The following ARHGAP6 variants were observed in gnomAD, a reference collection of about 807,000 sequenced individuals.
ARHGAP6 encodes rho GTPase-activating protein 6.
Under a neutral mutation model 55.7 loss-of-function variants are expected in ARHGAP6, and 16 were observed. The observed-to-expected ratio is 0.29, with a 90% CI of 0.19 to 0.44. The LOEUF (loss-of-function observed/expected upper bound fraction) is 0.44, where lower values mean the gene tolerates loss of function less well. Ranked by LOEUF, ARHGAP6 falls within the 20% of genes least tolerant of loss-of-function variation. The probability of loss-of-function intolerance (pLI) is 1.00; values close to 1 mark genes in which losing one functional copy is unlikely to be tolerated. For synonymous variants in ARHGAP6, 382 were observed against 360.9 expected (o/e 1.06, Z -0.66); for missense variants, 698 against 808.9 (o/e 0.86, Z 1.66).
At chrX:11,344,243 T>A (rs2048742613) in intron 1 of ARHGAP6, among the ~76,000 whole-genome samples, 1 of 111,651 alleles carries the variant, frequency 9.0e-6, no homozygotes, top group South Asian at 3.8e-4. Context: ...TGCCAGGGGA[T>A]GCCCCTTCTC....
intron 1 of ARHGAP6, among the ~76,000 whole-genome samples, chrX:11,658,760 A>G (rs2147206105): frequency 9.4e-6 from 1 of 106,588 alleles, no homozygotes; most frequent in South Asian, 4.4e-4. Context: ...ATGAGAGAAA[A>G]TGGTACTGAA....
At chrX:11,380,705 G>C (rs939500997) in intron 1 of ARHGAP6, among the ~76,000 whole-genome samples, 6 of 111,820 alleles carry the variant, frequency 5.4e-5, no homozygotes, top group African/African-American at 1.9e-4. Context: ...GAGTAGCACT[G>C]GTTAGGAGTA....
intron 1 of ARHGAP6, among the ~76,000 whole-genome samples, chrX:11,330,181 G>A (rs1379128600): frequency 1.8e-5 from 2 of 113,036 alleles, no homozygotes; most frequent in African/African-American, 6.4e-5. Flanking sequence ...GGGTTAAAGG[G>A]TGCAAAGCCT....
chrX:11,600,400 G>A (rs748467142), intron 1 of ARHGAP6, among the ~76,000 whole-genome samples: 4 of 112,079 alleles, frequency 3.6e-5, no homozygotes, highest in East Asian at 2.8e-4. Flanking sequence ...AAATCTCAGC[G>A]TTGCAGCAGA....
intron 1 of ARHGAP6, among the ~76,000 whole-genome samples, chrX:11,397,028 T>TCATATATATA (rs1436308542): frequency 8.1e-5 from 9 of 111,567 alleles, no homozygotes; most frequent in Middle Eastern, 4.6e-3. Context: ...TTTCCCATTC[T>TCATATATATA]TGGGAGTAGA....
At position 11,179,286 on chromosome X, in the gene ARHGAP6, T is replaced by C. The variant is rs1216670039; in HGVS notation, c.1480+16A>G. On this transcript the variant is annotated intron_variant, in intron 7 of 12. Transcript: ENST00000337414. ...TATTCCAGGGCCACTTTCCCACATA[T>C]GGCTGTATTACGCACAGAGAGTGTT... The C allele has an allele frequency of 3.4e-6, 4 of 1,180,995 alleles. No homozygotes were observed. Among genetic ancestry groups the C allele is most frequent in the Non-Finnish European group, 4.6e-6 (4 of 878,702 alleles).
intron 1 of ARHGAP6, among the ~76,000 whole-genome samples, chrX:11,364,423 A>G (rs983505844): frequency 1.8e-5 from 2 of 110,770 alleles, no homozygotes; most frequent in African/African-American, 6.6e-5. Flanking sequence ...GGAAAACTTA[A>G]TTAACTTTAT....
intron 1 of ARHGAP6, among the ~76,000 whole-genome samples, chrX:11,556,325 T>C (rs1359796394): frequency 9.0e-6 from 1 of 111,161 alleles, no homozygotes; most frequent in Non-Finnish European, 1.9e-5. Context: ...GATAGATGAG[T>C]GTATGGGGTA....
At chrX:11,330,154 G>A (rs140400499) in intron 1 of ARHGAP6, among the ~76,000 whole-genome samples, 177 of 113,143 alleles carry the variant, frequency 1.6e-3, no homozygotes, top group Middle Eastern at 0.014. Context: ...TGGTGAGGCT[G>A]GGGGATGTCA....
Position 11,421,991 on chromosome X carries a change from TA to T in ARHGAP6, c.589-167285del, listed in dbSNP as rs563737015. ...CCAGATTCATGTTCTCATAAATATT[TA>T]TTGTATGCCTACCCTGTGCCAGGAC... On this transcript the variant is annotated intron_variant, in intron 1 of 12. Transcript: ENST00000337414. Among the ~76,000 whole-genome samples, 20 of 112,132 alleles carry T rather than the reference TA, an allele frequency of 1.8e-4. No individual in the cohort carries two copies. The South Asian group carries it at 7.1e-3, about 40-fold the overall frequency.
At chrX:11,359,754 G>A (rs892298925) in intron 1 of ARHGAP6, among the ~76,000 whole-genome samples, 27 of 110,088 alleles carry the variant, frequency 2.5e-4, no homozygotes, top group Non-Finnish European at 3.8e-4. Flanking sequence ...TTGATAGACC[G>A]CTAGCAAGAC....
chrX:11,361,639 C>A (rs1195662723), intron 1 of ARHGAP6, among the ~76,000 whole-genome samples: 22 of 109,535 alleles, frequency 2.0e-4, no homozygotes, highest in South Asian at 1.2e-3. Context: ...GCAACAAAAG[C>A]CAAAATTGAC....
intron 1 of ARHGAP6, among the ~76,000 whole-genome samples, chrX:11,275,399 G>C (rs1332970722): frequency 1.8e-5 from 2 of 111,630 alleles, no homozygotes; most frequent in Admixed American, 1.9e-4. Context: ...ATCAGTATGG[G>C]TTCCCTGCAG....
chrX:11,587,688 G>A (rs2051752091), intron 1 of ARHGAP6, among the ~76,000 whole-genome samples: 1 of 112,205 alleles, frequency 8.9e-6, no homozygotes, highest in African/African-American at 3.2e-5. Context: ...CTCCCATTGG[G>A]TCATCCCTGG....
At chrX:11,637,506 T>A (rs1015804970) in intron 1 of ARHGAP6, among the ~76,000 whole-genome samples, 7 of 111,619 alleles carry the variant, frequency 6.3e-5, no homozygotes, top group Non-Finnish European at 1.1e-4. Flanking sequence ...TAATAACGTA[T>A]GAAAAGAAAA....
chrX:11,457,341 C>G (rs2050202908), intron 1 of ARHGAP6, among the ~76,000 whole-genome samples: 1 of 111,513 alleles, frequency 9.0e-6, no homozygotes, highest in South Asian at 3.8e-4. Context: ...ACATAATGGA[C>G]TGCATTACAG....
intron 8 of ARHGAP6, 94 bp from the exon 9 acceptor site, chrX:11,169,778 T>A: frequency 2.8e-6 from 2 of 710,966 alleles, no homozygotes; most frequent in Non-Finnish European, 4.0e-6. Flanking sequence ...CTCTCCTTTT[T>A]TTTTTTTAAT....
At chrX:11,446,857 C>T (rs966855191) in intron 1 of ARHGAP6, among the ~76,000 whole-genome samples, 4 of 111,571 alleles carry the variant, frequency 3.6e-5, no homozygotes, top group Non-Finnish European at 7.5e-5. Context: ...ATCATAAGAA[C>T]GACATTGAGT....
At chrX:11,296,678 T>C in intron 1 of ARHGAP6, 2 of 954,810 alleles carry the variant, frequency 2.1e-6, no homozygotes, top group South Asian at 4.0e-5. Context: ...TCCTTTAATG[T>C]GAACAATTGC....
Sources: gnomAD v4.1 joint callset for allele counts (sites outside exome capture counted in the v4.1 genomes callset) on GRCh38, gnomAD v4.1.1 for gene constraint, MANE v1.5 for transcripts, NCBI Gene and HGNC (gene_info 2026-07-23, HGNC 2026-07-21) for gene names.